Variants in FOXP1 observed in about 807,000 individuals in gnomAD.
FOXP1 encodes forkhead box protein P1.
FOXP1 carries 15 observed loss-of-function variants against 98.2 expected under a neutral mutation model. That is an observed-to-expected ratio of 0.15 (90% CI 0.10 to 0.24). FOXP1 has a LOEUF of 0.24. Among genes scored for constraint, FOXP1 ranks in the 10% least tolerant of loss-of-function variants. The pLI is 1.00. For synonymous variants in FOXP1, 371 were observed against 314.5 expected (o/e 1.18, Z -1.90); for missense variants, 633 against 848.5 (o/e 0.75, Z 3.15).
chr3:71,480,440 A>G (rs2090183051), intron 3 of FOXP1, among the ~76,000 whole-genome samples: 1 of 152,240 alleles, frequency 6.6e-6, no homozygotes, highest in Non-Finnish European at 1.5e-5. Flanking sequence ...TTTATGTGCC[A>G]GCTTCTCAGA....
At chr3:71,418,111 TTGTGGGTG>T (rs2083351237) in intron 3 of FOXP1, among the ~76,000 whole-genome samples, 1 of 135,566 alleles carries the variant, frequency 7.4e-6, no homozygotes, top group African/African-American at 2.8e-5. Context: ...TTCTGTGTGC[TTGTGGGTG>T]TGTGTGTGTG....
intron 3 of FOXP1, among the ~76,000 whole-genome samples, chr3:71,444,623 G>A (rs185469174): frequency 4.5e-4 from 68 of 152,284 alleles, no homozygotes; most frequent in African/African-American, 1.4e-3. Context: ...TTGGTGGGGC[G>A]CTTCCAATTC....
At chr3:71,338,751 A>G (rs1051667073) in intron 4 of FOXP1, among the ~76,000 whole-genome samples, 1 of 152,192 alleles carries the variant, frequency 6.6e-6, no homozygotes. Flanking sequence ...AATGGATATA[A>G]AAACATAATG....
chr3:71,409,074 T>G (rs1356476698), intron 3 of FOXP1, among the ~76,000 whole-genome samples: 1 of 152,240 alleles, frequency 6.6e-6, no homozygotes, highest in African/African-American at 2.4e-5. Flanking sequence ...TTTTCCTTTA[T>G]GAGCAGGCTC....
At chr3:71,358,931 C>G (rs1256571187) in intron 4 of FOXP1, among the ~76,000 whole-genome samples, 1 of 152,178 alleles carries the variant, frequency 6.6e-6, no homozygotes, top group Non-Finnish European at 1.5e-5. Context: ...AGGTCACCTT[C>G]CCACAAATAT....
intron 2 of FOXP1, among the ~76,000 whole-genome samples, chr3:71,530,878 C>G (rs1035628950): frequency 1.3e-5 from 2 of 152,192 alleles, no homozygotes; most frequent in Non-Finnish European, 2.9e-5. Context: ...AAACTACCCC[C>G]CAACCCCATC....
chr3:71,259,866 A>AGCCCTTTGGTGG (rs2068948387), intron 5 of FOXP1, among the ~76,000 whole-genome samples: 1 of 152,208 alleles, frequency 6.6e-6, no homozygotes, highest in Non-Finnish European at 1.5e-5. Flanking sequence ...CTCCACAGGT[A>AGCCCTTTGGTGG]AGCCCCTTTG....
chr3:71,163,470 G>A (rs1247602934), intron 6 of FOXP1, among the ~76,000 whole-genome samples: 2 of 152,130 alleles, frequency 1.3e-5, no homozygotes, highest in Admixed American at 6.5e-5. Context: ...ACAGACTACT[G>A]TATATAAGCT....
intron 2 of FOXP1, chr3:71,574,122 C>G (rs1436958833): frequency 6.6e-6 from 1 of 152,004 alleles, no homozygotes; most frequent in African/African-American, 2.4e-5. Context: ...TTTTAAGTGC[C>G]TCAGGGTCAG....
intron 5 of FOXP1, among the ~76,000 whole-genome samples, chr3:71,212,331 G>A (rs906585180): frequency 3.3e-5 from 5 of 152,114 alleles, no homozygotes; most frequent in Non-Finnish European, 7.4e-5. Context: ...GAACCTCCAC[G>A]CTATAATCTT....
At chr3:71,001,083 T>C in intron 12 of FOXP1, 24 bp from the exon 13 acceptor site, 1 of 1,558,118 alleles carries the variant, frequency 6.4e-7, no homozygotes, top group Non-Finnish European at 8.9e-7. Flanking sequence ...TAGAAAATCA[T>C]TAAGTGAAAT....
chr3:71,397,062 G>A lies in FOXP1; in HGVS notation c.-167-37818C>T, dbSNP rs1245958435. ...TATATATATATACACATATATATGT[G>A]TATATATATATACATATATATGTGT... On this transcript the variant is annotated intron_variant, in intron 3 of 20. Coordinates refer to ENST00000649528, the MANE Select transcript of FOXP1 (RefSeq NM_001349338.3). Among the ~76,000 whole-genome samples, 35 of 63,586 alleles carry A rather than the reference G, an allele frequency of 5.5e-4. 3 individuals are homozygous for A. Among genetic ancestry groups the A allele is most frequent in the East Asian group, 2.7e-3 (8 of 3,004 alleles). The allele number at this position is 63,586 out of a possible 152,430, so 41.7% of individuals were successfully genotyped here. A position where few individuals can be genotyped will look rare whatever the true frequency, so the allele number is the denominator to read the frequency against.
At chr3:71,056,909 A>G (rs2050726364) in intron 7 of FOXP1, among the ~76,000 whole-genome samples, 1 of 152,192 alleles carries the variant, frequency 6.6e-6, no homozygotes, top group Non-Finnish European at 1.5e-5. Context: ...CCAACGTCCA[A>G]CTTTTTCATG....
intron 4 of FOXP1, among the ~76,000 whole-genome samples, chr3:71,339,980 A>G (rs899871969): frequency 6.6e-6 from 1 of 152,250 alleles, no homozygotes; most frequent in Admixed American, 6.5e-5. Flanking sequence ...TATTGCTCAT[A>G]AACACCAAAA....
chr3:71,110,365 T>A (rs986105104), intron 7 of FOXP1, among the ~76,000 whole-genome samples: 1 of 152,218 alleles, frequency 6.6e-6, no homozygotes, highest in Non-Finnish European at 1.5e-5. Flanking sequence ...TGTGTTTTTT[T>A]ATTATCTCTA....
chr3:71,029,472 C>A (rs990740621), intron 11 of FOXP1, among the ~76,000 whole-genome samples: 11 of 151,368 alleles, frequency 7.3e-5, no homozygotes, highest in African/African-American at 2.7e-4. Context: ...CTCACTGCAA[C>A]CTCTACCTCC....
chr3:71,091,942 C>A (rs1249534475), intron 7 of FOXP1, among the ~76,000 whole-genome samples: 2 of 152,092 alleles, frequency 1.3e-5, no homozygotes, highest in Non-Finnish European at 2.9e-5. Flanking sequence ...AATTCCAGCA[C>A]TTTGGGAGGC....
intron 7 of FOXP1, among the ~76,000 whole-genome samples, chr3:71,059,503 C>T (rs1047021378): frequency 2.6e-5 from 4 of 152,154 alleles, no homozygotes; most frequent in African/African-American, 9.7e-5. Context: ...TAAATCGCTT[C>T]TCCCATTAGC....
chr3:71,348,817 T>C (rs149613875), intron 4 of FOXP1, among the ~76,000 whole-genome samples: 25 of 152,244 alleles, frequency 1.6e-4, no homozygotes, highest in African/African-American at 5.8e-4. Context: ...CTAACTGTTA[T>C]GTGTGCTAAG....
Sources: gnomAD v4.1 joint callset for allele counts (sites outside exome capture counted in the v4.1 genomes callset) on GRCh38, gnomAD v4.1.1 for gene constraint, MANE v1.5 for transcripts, NCBI Gene and HGNC (gene_info 2026-07-23, HGNC 2026-07-21) for gene names.